The following NXPE4 variants were observed in gnomAD, a reference collection of about 807,000 sequenced individuals.
NXPE4 encodes neurexophilin and PC-esterase domain family member 4, also known as NXPE family member 4.
In NXPE4, 42 loss-of-function variants were observed where a neutral mutation model predicts 33.3. The ratio of observed to expected loss-of-function variants is 1.26; its 90% confidence interval spans 0.98 to 1.63. The LOEUF (loss-of-function observed/expected upper bound fraction) is 1.63. Among genes scored for constraint, NXPE4 ranks in the 40% most tolerant of loss-of-function variants. NXPE4 has a pLI of 0.00. For missense variants in NXPE4, 709 were observed against 647.6 expected (o/e 1.09, Z -1.03); for synonymous variants, 253 against 234.9 (o/e 1.08, Z -0.71).
At position 114,582,426 on chromosome 11, in the gene NXPE4, T is replaced by A. The variant is rs1202697004; in HGVS notation, c.692A>T (p.Gln231Leu). ...TTCTTGGTCTCTGTTGTCCAGGTAC[T>A]GGCACAATTCAGCATTTGTGTTTAG... ...LILNTNAELC[Q>L]YLDNRDQEGF... The change falls in exon 3 of 6, where the codon CAG becomes CTG. Residue 231 changes from glutamine to leucine, a missense_variant. Transcript: ENST00000375478. 1 of 1,614,194 alleles carries A rather than the reference T, an allele frequency of 6.2e-7. No homozygotes were observed. The highest frequency in any genetic ancestry group is 2.2e-5 in the East Asian group (1 of 44,894).
chr11:114,583,964 G>C (rs1949221072), intron 2 of NXPE4: 1 of 383,684 alleles, frequency 2.6e-6, no homozygotes, highest in South Asian at 2.2e-5. Flanking sequence ...TGAGTCCTAT[G>C]AGGCCATTTT....
chr11:114,652,290 T>C, the NXPE4 span, among the ~76,000 whole-genome samples: 1 of 152,202 alleles, frequency 6.6e-6, no homozygotes, highest in African/African-American at 2.4e-5. Context: ...AATGATGCCC[T>C]TAAGGCATCC....
chr11:114,635,179 C>G, the NXPE4 span, among the ~76,000 whole-genome samples: 5 of 150,250 alleles, frequency 3.3e-5, no homozygotes, highest in Non-Finnish European at 7.4e-5. Flanking sequence ...AGTTCCTTCA[C>G]GTCCCTTGTA....
chr11:114,676,677 C>A, the NXPE4 span, among the ~76,000 whole-genome samples: 1 of 151,974 alleles, frequency 6.6e-6, no homozygotes, highest in Admixed American at 6.6e-5. Context: ...TTAGTACAGC[C>A]ATTTTGGATA....
At chr11:114,619,944 GATA>G in the NXPE4 span, among the ~76,000 whole-genome samples, 1 of 151,978 alleles carries the variant, frequency 6.6e-6, no homozygotes, top group African/African-American at 2.4e-5. Context: ...TTACCCGGTG[GATA>G]ATAAGTGTTG....
At chr11:114,649,218 A>G in the NXPE4 span, among the ~76,000 whole-genome samples, 1 of 151,662 alleles carries the variant, frequency 6.6e-6, no homozygotes, top group South Asian at 2.1e-4. Flanking sequence ...GGGTCATTTT[A>G]GTTTTCCATG....
intron 5 of NXPE4, among the ~76,000 whole-genome samples, chr11:114,574,599 G>C (rs1948957702): frequency 6.6e-6 from 1 of 151,962 alleles, no homozygotes; most frequent in Non-Finnish European, 1.5e-5. Context: ...AGAAAACCTA[G>C]AGGGGATAAA....
At chr11:114,658,156 A>G in the NXPE4 span, among the ~76,000 whole-genome samples, 1 of 152,236 alleles carries the variant, frequency 6.6e-6, no homozygotes, top group Non-Finnish European at 1.5e-5. Context: ...CATTTAACTT[A>G]TTAGAAATTG....
At chr11:114,585,448 CAAATGGAAACCA>C (rs554111938) in intron 2 of NXPE4, among the ~76,000 whole-genome samples, 3 of 151,982 alleles carry the variant, frequency 2.0e-5, no homozygotes, top group South Asian at 4.2e-4. Flanking sequence ...ATATTCCATG[CAAATGGAAACCA>C]AAAGAGAGCA....
At chr11:114,614,834 G>A in the NXPE4 span, among the ~76,000 whole-genome samples, 1 of 151,958 alleles carries the variant, frequency 6.6e-6, no homozygotes, top group African/African-American at 2.4e-5. Flanking sequence ...GTTATCTGGT[G>A]GATAACAAGT....
the NXPE4 span, among the ~76,000 whole-genome samples, chr11:114,616,056 T>G: frequency 5.9e-5 from 9 of 151,842 alleles, no homozygotes; most frequent in South Asian, 1.9e-3. Context: ...GGATAATAAG[T>G]ATTGCCTCAT....
the NXPE4 span, among the ~76,000 whole-genome samples, chr11:114,661,549 T>A: frequency 9.2e-5 from 14 of 152,338 alleles, no homozygotes; most frequent in East Asian, 2.7e-3. Flanking sequence ...TTTTATATCA[T>A]GGGTACCATT....
chr11:114,600,333 A>T (rs1180734883), upstream of NXPE4, among the ~76,000 whole-genome samples: 1 of 152,130 alleles, frequency 6.6e-6, no homozygotes. Flanking sequence ...CAAAACAATT[A>T]AAAGTCTTCT....
chr11:114,581,283 G>T (rs1436602264), intron 4 of NXPE4, among the ~76,000 whole-genome samples: 1 of 152,106 alleles, frequency 6.6e-6, no homozygotes, highest in Non-Finnish European at 1.5e-5. Flanking sequence ...TTGTTTGAAA[G>T]GTGGCAAAGA....
At chr11:114,653,378 G>T in the NXPE4 span, among the ~76,000 whole-genome samples, 12 of 152,090 alleles carry the variant, frequency 7.9e-5, no homozygotes, top group African/African-American at 2.9e-4. Context: ...TTGTTGTATA[G>T]ACAATAAACC....
chr11:114,622,184 G>A, the NXPE4 span, among the ~76,000 whole-genome samples: 890 of 104,336 alleles, frequency 8.5e-3, 5 homozygotes, highest in Non-Finnish European at 0.015. Flanking sequence ...GTATTGCCTC[G>A]TGGGTAACCA....
At chr11:114,650,610 T>G in the NXPE4 span, among the ~76,000 whole-genome samples, 1 of 152,096 alleles carries the variant, frequency 6.6e-6, no homozygotes, top group Non-Finnish European at 1.5e-5. Context: ...GGTGGAAGAA[T>G]AAGACCTCTA....
the NXPE4 span, among the ~76,000 whole-genome samples, chr11:114,610,055 TAA>T: frequency 2.0e-5 from 3 of 151,836 alleles, no homozygotes; most frequent in Non-Finnish European, 4.4e-5. Context: ...CGGTGGATAA[TAA>T]GTCTTGCCTC....
the NXPE4 span, among the ~76,000 whole-genome samples, chr11:114,641,758 T>G: frequency 6.6e-5 from 10 of 152,062 alleles, no homozygotes; most frequent in Admixed American, 5.9e-4. Context: ...TTCTAGTACA[T>G]TTGATCAAGG....
Sources: gnomAD v4.1 joint callset for allele counts (sites outside exome capture counted in the v4.1 genomes callset) on GRCh38, gnomAD v4.1.1 for gene constraint, MANE v1.5 for transcripts, NCBI Gene and HGNC (gene_info 2026-07-23, HGNC 2026-07-21) for gene names.